EIF4G3: variants seen among roughly 807,000 people sequenced by gnomAD.
The protein encoded by EIF4G3 is eukaryotic translation initiation factor 4 gamma 3, also known as eIF-4-gamma 3.
In EIF4G3, 34 loss-of-function variants were observed where a neutral mutation model predicts 186.4. That is an observed-to-expected ratio of 0.18 (90% confidence interval 0.14 to 0.24). EIF4G3 has a LOEUF of 0.24. Ranked by LOEUF, EIF4G3 falls within the 10% of genes least tolerant of loss-of-function variation. EIF4G3 has a pLI of 1.00. For synonymous variants in EIF4G3, 673 were observed against 679.5 expected (o/e 0.99, Z 0.15); for missense variants, 1,536 against 1,948.5 (o/e 0.79, Z 3.99).
intron 29 of EIF4G3, among the ~76,000 whole-genome samples, chr1:20,847,356 A>G (rs1030676862): frequency 1.3e-5 from 2 of 152,202 alleles, no homozygotes; most frequent in African/African-American, 2.4e-5. Flanking sequence ...GAAATTCTAA[A>G]GATACAACGA....
chr1:21,054,466 TAA>T (rs532277398), intron 3 of EIF4G3, among the ~76,000 whole-genome samples: 2 of 120,936 alleles, frequency 1.7e-5, no homozygotes, highest in Non-Finnish European at 1.8e-5. Context: ...GAATGATCAA[TAA>T]AAAAAAAAAG....
At chr1:20,975,014 G>A (rs1432804165) in intron 10 of EIF4G3, among the ~76,000 whole-genome samples, 1 of 152,156 alleles carries the variant, frequency 6.6e-6, no homozygotes, top group Non-Finnish European at 1.5e-5. Context: ...CTTTTCAAGT[G>A]TAAAGTTGTT....
chr1:20,836,954 G>C (rs1185592871), intron 30 of EIF4G3, among the ~76,000 whole-genome samples: 1 of 152,134 alleles, frequency 6.6e-6, no homozygotes, highest in Non-Finnish European at 1.5e-5. Flanking sequence ...TTAGATTCAA[G>C]TCCTGAAAAT....
chr1:21,176,828 T>C lies in EIF4G3; in HGVS notation c.-562A>G, dbSNP rs2098120712. On this transcript the variant is annotated 5_prime_UTR_variant, in exon 1 of 37. Transcript: ENST00000602326. ...CGGGGCTCAGGCGATGCCGGTGGAT[T>C]TTCTTCACTCAACGAGCAGAGCATC... 15 of 701,414 alleles carry C rather than the reference T, an allele frequency of 2.1e-5. No individual in the cohort carries two copies. The East Asian group carries it at 3.8e-4, about 18-fold the overall frequency. The allele number at this position is 701,414 out of a possible 1,614,324, so 43.4% of individuals were successfully genotyped here.
At chr1:21,104,112 A>C (rs950792562) in intron 2 of EIF4G3, among the ~76,000 whole-genome samples, 18 of 152,214 alleles carry the variant, frequency 1.2e-4, no homozygotes, top group African/African-American at 4.1e-4. Flanking sequence ...TACTCTGAAC[A>C]ATGCCGGCTA....
At chr1:20,968,117 C>T (rs1032970325) in intron 12 of EIF4G3, among the ~76,000 whole-genome samples, 1 of 152,026 alleles carries the variant, frequency 6.6e-6, no homozygotes, top group Non-Finnish European at 1.5e-5. Context: ...CTGAAAACCA[C>T]GTGTCTCTAT....
chr1:20,926,680 G>GAAAAAAAAAAAAAA (rs376198678), intron 14 of EIF4G3, among the ~76,000 whole-genome samples: 7 of 124,362 alleles, frequency 5.6e-5, no homozygotes, highest in Non-Finnish European at 5.0e-5. Context: ...AAAAAGAAAA[G>GAAAAAAAAAAAAAA]AAAAAAAAAA....
At chr1:20,984,583 CATAT>C (rs1331863202) in intron 7 of EIF4G3, among the ~76,000 whole-genome samples, 2 of 100,360 alleles carry the variant, frequency 2.0e-5, no homozygotes, top group Non-Finnish European at 4.3e-5. Flanking sequence ...CACACACACA[CATAT>C]ATACACTTTT....
intron 2 of EIF4G3, among the ~76,000 whole-genome samples, chr1:21,116,478 TA>T (rs899924806): frequency 4.0e-5 from 6 of 151,876 alleles, no homozygotes; most frequent in African/African-American, 1.2e-4. Flanking sequence ...GAAAATAAAA[TA>T]ACCATAAATA....
At chr1:21,037,066 C>G (rs922082992) in intron 4 of EIF4G3, among the ~76,000 whole-genome samples, 1 of 151,998 alleles carries the variant, frequency 6.6e-6, no homozygotes, top group Non-Finnish European at 1.5e-5. Flanking sequence ...GCAATTAAGT[C>G]TTAATTATTT....
chr1:21,149,896 G>A (rs967786031), intron 2 of EIF4G3, among the ~76,000 whole-genome samples: 1 of 152,234 alleles, frequency 6.6e-6, no homozygotes, highest in African/African-American at 2.4e-5. Flanking sequence ...AAGCCTTGCT[G>A]CTTTCTGAAA....
At chr1:20,932,627 A>C (rs936545174) in intron 14 of EIF4G3, among the ~76,000 whole-genome samples, 1 of 152,074 alleles carries the variant, frequency 6.6e-6, no homozygotes, top group African/African-American at 2.4e-5. Context: ...AGAGGGAGGG[A>C]GAGAGATGGA....
At chr1:21,146,818 G>A (rs760878558) in intron 2 of EIF4G3, among the ~76,000 whole-genome samples, 1 of 151,874 alleles carries the variant, frequency 6.6e-6, no homozygotes, top group Non-Finnish European at 1.5e-5. Flanking sequence ...TCAATAACTG[G>A]AATAAGAAAA....
At chr1:21,124,643 G>C (rs1440625927) in intron 2 of EIF4G3, among the ~76,000 whole-genome samples, 1 of 152,152 alleles carries the variant, frequency 6.6e-6, no homozygotes, top group African/African-American at 2.4e-5. Context: ...GTAGTGTTTG[G>C]TATCCCAATG....
At chr1:20,859,344 G>A (rs2075830564) in intron 24 of EIF4G3, among the ~76,000 whole-genome samples, 1 of 152,208 alleles carries the variant, frequency 6.6e-6, no homozygotes. Context: ...AGGAAGGTAA[G>A]TGTGGTATCT....
chr1:21,090,663 T>C (rs1401740861), intron 2 of EIF4G3, among the ~76,000 whole-genome samples: 1 of 152,200 alleles, frequency 6.6e-6, no homozygotes, highest in Non-Finnish European at 1.5e-5. Flanking sequence ...AAATTGTCTT[T>C]CAGTCTGCCA....
At chr1:21,075,593 A>AC (rs2095565057) in intron 3 of EIF4G3, among the ~76,000 whole-genome samples, 1 of 122,888 alleles carries the variant, frequency 8.1e-6, no homozygotes, top group Admixed American at 8.5e-5. Flanking sequence ...AAAAAAAAAA[A>AC]AAAAAAAAAA....
chr1:21,011,884 A>C (rs1360470557), intron 4 of EIF4G3, among the ~76,000 whole-genome samples: 1 of 152,208 alleles, frequency 6.6e-6, no homozygotes. Context: ...TAACACCATT[A>C]GAGTTATAAA....
At chr1:21,091,621 T>G (rs2096204468) in intron 2 of EIF4G3, among the ~76,000 whole-genome samples, 1 of 152,208 alleles carries the variant, frequency 6.6e-6, no homozygotes, top group Admixed American at 6.5e-5. Flanking sequence ...TTCCTATCTA[T>G]GAGCATGGAA....
Sources: gnomAD v4.1 joint callset for allele counts (sites outside exome capture counted in the v4.1 genomes callset) on GRCh38, gnomAD v4.1.1 for gene constraint, MANE v1.5 for transcripts, NCBI Gene and HGNC (gene_info 2026-07-23, HGNC 2026-07-21) for gene names.